UNC80: variants seen among roughly 807,000 people sequenced by gnomAD.
UNC80 encodes the protein unc-80 subunit of NALCN channel complex, also known as protein unc-80 homolog.
UNC80 carries 164 observed loss-of-function variants against 384.6 expected under a neutral mutation model. The ratio of observed to expected loss-of-function variants is 0.43; its 90% CI spans 0.38 to 0.49. UNC80 has a LOEUF of 0.49. Ranked by LOEUF, UNC80 falls within the 20% of genes least tolerant of loss-of-function variation. UNC80 has a pLI of 0.00. For synonymous variants in UNC80, 1,486 were observed against 1,527.8 expected (o/e 0.97, Z 0.64); for missense variants, 3,330 against 4,143.0 (o/e 0.80, Z 5.39).
intron 22 of UNC80, among the ~76,000 whole-genome samples, chr2:209,860,107 G>C (rs1372674428): frequency 6.6e-6 from 1 of 152,108 alleles, no homozygotes; most frequent in Non-Finnish European, 1.5e-5. Context: ...TTGTCATGAA[G>C]CCTGTGTCCT....
chr2:209,925,293 A>G (rs560655203), intron 35 of UNC80, among the ~76,000 whole-genome samples: 1 of 152,286 alleles, frequency 6.6e-6, no homozygotes, highest in African/African-American at 2.4e-5. Flanking sequence ...TTCCACATGC[A>G]TCTACTACGA....
At chr2:209,953,813 CA>C (rs2092297671) in intron 47 of UNC80, among the ~76,000 whole-genome samples, 1 of 152,148 alleles carries the variant, frequency 6.6e-6, no homozygotes, top group African/African-American at 2.4e-5. Context: ...CACCTATTAT[CA>C]TTCTGTTATT....
intron 42 of UNC80, among the ~76,000 whole-genome samples, chr2:209,938,891 GTAGCTACTCACTGCA>G (rs1023463858): frequency 6.6e-6 from 1 of 152,128 alleles, no homozygotes; most frequent in African/African-American, 2.4e-5. Context: ...AGTTTCCTCA[GTAGCTACTCACTGCA>G]TATAAACTTC....
intron 21 of UNC80, among the ~76,000 whole-genome samples, chr2:209,844,486 TC>T (rs1559186052): frequency 0.034 from 3,111 of 91,824 alleles, 327 homozygotes; most frequent in African/African-American, 0.13. Flanking sequence ...TTTCCTTCCT[TC>T]CTTCCTTCCT....
intron 60 of UNC80, among the ~76,000 whole-genome samples, chr2:209,984,031 C>A (rs747177708): frequency 3.9e-5 from 6 of 152,100 alleles, no homozygotes; most frequent in Non-Finnish European, 8.8e-5. Context: ...TTAGTTCTCT[C>A]CAATTTAACG....
intron 30 of UNC80, 110 bp from the exon 31 acceptor site, chr2:209,913,691 TA>T: frequency 6.2e-6 from 7 of 1,132,172 alleles, no homozygotes; most frequent in Non-Finnish European, 8.5e-6. Context: ...GAAAGCATTT[TA>T]AGGTCACTTA....
chr2:209,918,617 C>T lies in UNC80; in HGVS notation c.5297C>T (p.Pro1766Leu). ...SVPMFDPPWV[P>L]QCSGSVQDPI... Reference sequence around the variant, plus strand: ...CCAATGTTTGACCCACCGTGGGTTCCTCAGTGCAGCGGGAGTGTCCAGGAC... The same window carrying T: ...CCAATGTTTGACCCACCGTGGGTTCTTCAGTGCAGCGGGAGTGTCCAGGAC... Residue 1766 changes from proline to leucine, a missense_variant, in exon 33 of 65, where the codon CCT (proline) becomes CTT (leucine). Physicochemically the swap from Pro to Leu is moderately conservative, Grantham distance 98. Transcript: ENST00000673920. 6.4e-7 allele frequency: 1 copy of T among 1,551,918 alleles called. No homozygotes were observed. The highest frequency in any genetic ancestry group is 8.7e-7 in the Non-Finnish European group (1 of 1,147,024).
Position 209,872,138 on chromosome 2 carries a change from C to T in UNC80, c.3628-620C>T, listed in dbSNP as rs958321940. Among the ~76,000 whole-genome samples, 5 of 152,010 alleles carry T rather than the reference C, an allele frequency of 3.3e-5. No homozygotes were observed. Among genetic ancestry groups the T allele is most frequent in the South Asian group, 2.1e-4 (1 of 4,820 alleles). The stretch of plus-strand genomic sequence containing the variant: ...TCCTGAGTAGCTGGGACTACAAGCA[C>T]GCTCCACCATGCCTGACTAATTTTT... On this transcript the variant is annotated intron_variant, in intron 22 of 64. Transcript: ENST00000673920. This position sits in a 1 kb window ranked among gnomAD's most constrained non-coding sequence, Gnocchi z 4.1.
chr2:209,934,123 T>A (rs774550231), intron 39 of UNC80, 118 bp downstream of exon 39: 2 of 990,938 alleles, frequency 2.0e-6, no homozygotes, highest in Admixed American at 6.0e-5. Context: ...ACCCCCAGTA[T>A]TGAGTGCTTC....
chr2:209,871,822 T>A (rs1559236449), intron 22 of UNC80, among the ~76,000 whole-genome samples: 1 of 151,904 alleles, frequency 6.6e-6, no homozygotes, highest in East Asian at 1.9e-4. Context: ...TTCTTTTTTT[T>A]TTTTCAAGCA....
At chr2:209,955,692 A>ATATATAT (rs2092370229) in intron 48 of UNC80, among the ~76,000 whole-genome samples, 1 of 51,614 alleles carries the variant, frequency 1.9e-5, no homozygotes, top group Non-Finnish European at 3.9e-5. Context: ...CTGTATTTCT[A>ATATATAT]ATATATATAT....
intron 5 of UNC80, 52 bp downstream of exon 5, chr2:209,786,241 C>T (rs2077420755): frequency 6.3e-7 from 1 of 1,577,542 alleles, no homozygotes; most frequent in South Asian, 1.2e-5. Flanking sequence ...CCCTCACACA[C>T]AGTAGTTAGA....
At chr2:209,946,727 T>C (rs1347101640) in intron 47 of UNC80, among the ~76,000 whole-genome samples, 1 of 152,194 alleles carries the variant, frequency 6.6e-6, no homozygotes, top group Admixed American at 6.5e-5. Context: ...TCAAAGATGT[T>C]GGCTCTGGTC....
chr2:209,842,926 T>C lies in UNC80; in HGVS notation c.3454+480T>C, dbSNP rs78179992. ...TCCTTACATTCTGAAGACATACTTA[T>C]CCACAAATTTGCTTCATTTGTCCTA... is the stretch of plus-strand genomic sequence containing the variant. On this transcript the variant is annotated intron_variant, in intron 21 of 64. Transcript: ENST00000673920. Among the ~76,000 whole-genome samples, 142 of 152,304 alleles carry C rather than the reference T, an allele frequency of 9.3e-4. 3 individuals are homozygous for C. In the East Asian group the frequency reaches 0.025, roughly 27 times the overall value.
intron 52 of UNC80, 105 bp downstream of exon 52, chr2:209,967,742 A>G: frequency 8.4e-7 from 1 of 1,186,968 alleles, no homozygotes; most frequent in South Asian, 1.5e-5. Flanking sequence ...ATGACTTGAA[A>G]GTTTTCTTTG....
intron 23 of UNC80, 41 bp from the exon 24 acceptor site, chr2:209,877,913 A>T (rs1432997067): frequency 2.0e-6 from 3 of 1,472,960 alleles, no homozygotes; most frequent in Non-Finnish European, 2.7e-6. Context: ...TTAGAGTTTG[A>T]CTTAGTTTGT....
chr2:209,938,710 C>CTCTCTCTGTGTGTGTGTG (rs1491352008), intron 42 of UNC80, among the ~76,000 whole-genome samples: 105 of 83,482 alleles, frequency 1.3e-3, no homozygotes, highest in African/African-American at 3.9e-3. Context: ...CTCTCTCTCT[C>CTCTCTCTGTGTGTGTGTG]TGTGTGTGTG....
At chr2:209,887,787 C>G (rs957620251) in intron 25 of UNC80, among the ~76,000 whole-genome samples, 1 of 152,140 alleles carries the variant, frequency 6.6e-6, no homozygotes, top group Non-Finnish European at 1.5e-5. Flanking sequence ...GCCAAAGATG[C>G]AGCCAAAACT....
intron 41 of UNC80, 48 bp from the exon 42 acceptor site, chr2:209,937,481 T>C: frequency 7.5e-7 from 1 of 1,339,842 alleles, no homozygotes; most frequent in Non-Finnish European, 1.0e-6. Context: ...AGAAAAGATG[T>C]TTAATCTTTT....
Sources: allele counts gnomAD v4.1 joint callset (sites outside exome capture counted in the v4.1 genomes callset), GRCh38; gene constraint gnomAD v4.1.1; non-coding constraint Gnocchi (gnomAD v3.1); transcripts MANE v1.5; gene names NCBI Gene and HGNC (gene_info 2026-07-23, HGNC 2026-07-21).